The following EIF2B4 variants were observed in gnomAD, a reference collection of about 807,000 sequenced individuals.
EIF2B4 encodes translation initiation factor eIF2B subunit delta.
A neutral mutation model predicts 66.7 loss-of-function variants in EIF2B4; 34 were observed. The observed-to-expected ratio is 0.51, with a 90% confidence interval of 0.39 to 0.68. EIF2B4 has a LOEUF of 0.68. EIF2B4 is among the 30% of genes least tolerant of loss of function. The probability of loss-of-function intolerance (pLI) is 0.00; values close to 1 mark genes in which losing one functional copy is unlikely to be tolerated. For synonymous variants in EIF2B4, 278 were observed against 253.6 expected (o/e 1.10, Z -0.92); for missense variants, 618 against 657.9 (o/e 0.94, Z 0.66).
intron 11 of EIF2B4, chr2:27,365,627 C>G (rs551134116): frequency 6.6e-6 from 1 of 152,280 alleles, no homozygotes; most frequent in Non-Finnish European, 1.5e-5. Flanking sequence ...CTGCCCTCCT[C>G]GGCCTCCCAA....
chr2:27,365,028 A>G (rs1328882518), intron 11 of EIF2B4, 130 bp from the exon 12 acceptor site: 3 of 930,402 alleles, frequency 3.2e-6, no homozygotes, highest in East Asian at 2.6e-5. Context: ...AAGGGAAAGA[A>G]ACAAAAACAG....
At chr2:27,365,285 C>T (rs370104828) in intron 11 of EIF2B4, among the ~76,000 whole-genome samples, 6 of 150,970 alleles carry the variant, frequency 4.0e-5, no homozygotes, top group African/African-American at 2.4e-5. Flanking sequence ...AGGCTGGTCT[C>T]GAACTCCCAA....
At position 27,368,354 on chromosome 2, in the gene EIF2B4, A is replaced by T; in HGVS notation, c.590+18T>A. The T allele has an allele frequency of 6.2e-7, 1 of 1,602,884 alleles. No individual in the cohort carries two copies. The highest frequency in any genetic ancestry group is 8.5e-7 in the Non-Finnish European group (1 of 1,169,806). ...ACTCCTCAGACTCAAAAGTTATGAC[A>T]ATTTCATAGGATCCTACCTCATAAA... is the stretch of plus-strand genomic sequence containing the variant. On this transcript the variant is annotated intron_variant, in intron 6 of 12. Coordinates refer to ENST00000347454, the MANE Select transcript of EIF2B4 (RefSeq NM_001034116.2).
intron 7 of EIF2B4, 100 bp downstream of exon 7, chr2:27,367,925 T>G: frequency 6.8e-7 from 1 of 1,467,962 alleles, no homozygotes; most frequent in Non-Finnish European, 9.5e-7. Context: ...AGGGTAGGAG[T>G]ATTCCCTCTG....
intron 2 of EIF2B4, 133 bp downstream of exon 2, chr2:27,369,743 G>A: frequency 1.4e-6 from 2 of 1,437,440 alleles, no homozygotes; most frequent in Non-Finnish European, 1.9e-6. Context: ...CCCTAGGGTT[G>A]CAAGACCTCT....
chr2:27,366,324 C>A (rs1041627191), intron 11 of EIF2B4: 11 of 271,486 alleles, frequency 4.1e-5, no homozygotes, highest in African/African-American at 6.7e-5. Context: ...ATCCTCCTGC[C>A]TTAGTGCTGA....
chr2:27,366,215 G>GGGGTGTGTGTGTGTGTGTGTGT (rs1356996835), intron 11 of EIF2B4: 1 of 102,516 alleles, frequency 9.8e-6, no homozygotes, highest in African/African-American at 4.2e-5. Flanking sequence ...GGTGGGGTGG[G>GGGGTGTGTGTGTGTGTGTGTGT]GTGTGTGTGT....
chr2:27,369,189 C>T lies in EIF2B4; in HGVS notation c.235G>A (p.Glu79Lys), dbSNP rs1682130293. ...CQVGPTRELP[E>K]SGIQLGTPRE... ...GGAGTGCCCAACTGAATGCCCGATT[C>T]TGGCAGTTCTCTGGTTGGGCCTACT... Residue 79 changes from glutamate to lysine, a missense_variant, in exon 4 of 13, where the codon GAA becomes AAA. Coordinates refer to ENST00000347454, the MANE Select transcript of EIF2B4 (RefSeq NM_001034116.2). The T allele has an allele frequency of 1.2e-6, 2 of 1,612,720 alleles. No homozygotes were observed. The highest frequency in any genetic ancestry group is 1.7e-6 in the Non-Finnish European group (2 of 1,179,972).
chr2:27,370,307 G>A lies in EIF2B4; in HGVS notation c.8C>T (p.Ala3Val), dbSNP rs1166427846. ...ACCCTCGCGAACAGCCACGGCCACAGCAGCCATCGCCCTCAGTCCTAGGCT... is the reference window on the plus strand; with the variant it reads ...ACCCTCGCGAACAGCCACGGCCACAACAGCCATCGCCCTCAGTCCTAGGCT... MA[A>V]VAVAVREDSG... Residue 3 changes from alanine (A) to valine (V), a missense_variant, in exon 1 of 13, where the codon GCT (alanine) becomes GTT (valine). Ala to Val is a moderately conservative substitution (Grantham distance 64, BLOSUM62 0). Coordinates refer to ENST00000347454, the MANE Select transcript of EIF2B4 (RefSeq NM_001034116.2). The A allele has an allele frequency of 5.2e-6, 8 of 1,544,672 alleles. No homozygotes were observed. Among genetic ancestry groups the A allele is most frequent in the Admixed American group, 2.0e-5 (1 of 51,122 alleles).
At chr2:27,366,543 G>A in intron 11 of EIF2B4, 3 of 617,664 alleles carry the variant, frequency 4.9e-6, no homozygotes, top group Non-Finnish European at 8.7e-6. Flanking sequence ...AGCTGGGCAT[G>A]GTGGCACACA....
Position 27,366,847 on chromosome 2 carries a change from T to C in EIF2B4, c.1103A>G (p.Glu368Gly). 1 of 1,614,164 alleles carries C rather than the reference T, an allele frequency of 6.2e-7. No homozygotes were observed. The highest frequency in any genetic ancestry group is 1.1e-5 in the South Asian group (1 of 91,084). ...TAGAGAACGTAGTGTGTGCCTTCCT[T>C]CCAGCCATGGCCGGCTGTCCACCAC... The part of the protein sequence containing the change: ...VVVVDSRPWL[E>G]GRHTLRSLVH... Residue 368 changes from glutamate to glycine, a missense_variant, in exon 11 of 13, where the codon GAA becomes GGA. Transcript: ENST00000347454.
chr2:27,368,192 C>T, intron 6 of EIF2B4, 53 bp from the exon 7 acceptor site: 1 of 1,430,660 alleles, frequency 7.0e-7, no homozygotes, highest in South Asian at 1.2e-5. Context: ...GCATCTACTG[C>T]CCACCTGCCC....
Position 27,367,152 on chromosome 2 carries a change from A to G in EIF2B4, c.935T>C (p.Ile312Thr), listed in dbSNP as rs776661452. ...AAIDRYVQEK[I>T]VLAAQAISRF... ...TGAAATTGCCTGAGCTGCTAGCACA[A>G]TCTTCTCTTGCACATACCGATCAAT... Residue 312 changes from isoleucine (I) to threonine (T), a missense_variant, in exon 10 of 13, where the codon ATT becomes ACT. By Grantham distance (89) the Ile-to-Thr change is moderately conservative. Coordinates refer to ENST00000347454, the MANE Select transcript of EIF2B4 (RefSeq NM_001034116.2). 3.7e-6 allele frequency: 6 copies of G among 1,614,188 alleles called. No homozygotes were observed. The highest frequency in any genetic ancestry group is 3.3e-5 in the Admixed American group (2 of 60,010).
Position 27,369,500 on chromosome 2 carries a change from T to A in EIF2B4, c.125A>T (p.Glu42Val), listed in dbSNP as rs774312870. 6.2e-6 allele frequency: 10 copies of A among 1,614,038 alleles called. No homozygotes were observed. Among genetic ancestry groups the A allele is most frequent in the Non-Finnish European group, 8.5e-6 (10 of 1,180,034 alleles). ...CCGTTTCTTCTTCTGCTGTTTCTTT[T>A]CCTTCCGAAGCTGCAGCTTTTCTTC... is the stretch of plus-strand genomic sequence containing the variant. ...TKEEKLQLRK[E>V]KKQQKKKRKE... The change falls in exon 3 of 13, where the codon GAA becomes GTA. Residue 42 changes from glutamate to valine, a missense_variant. Transcript: ENST00000347454.
At chr2:27,369,676 T>C (rs1397009100) in intron 2 of EIF2B4, 127 bp from the exon 3 acceptor site, 4 of 1,547,068 alleles carry the variant, frequency 2.6e-6, no homozygotes, top group Non-Finnish European at 3.6e-6. Context: ...AAGCTACCTG[T>C]TGCAAGCTTA....
In EIF2B4 at chr2:27,367,742, C is replaced by G; in HGVS notation, c.782+4G>C. On this transcript the variant is annotated splice_donor_region_variant and intron_variant, in intron 8 of 12. Coordinates refer to ENST00000347454, the MANE Select transcript of EIF2B4 (RefSeq NM_001034116.2). ...TGGGAGTGGACTTATAGTGTTGTCC[C>G]TACCTCATGTAGGGTTTTAGTTTAT... 6.2e-7 allele frequency: 1 copy of G among 1,613,282 alleles called. No individual in the cohort carries two copies. Among genetic ancestry groups the G allele is most frequent in the Non-Finnish European group, 8.5e-7 (1 of 1,179,252 alleles).
chr2:27,364,375 A>G lies in EIF2B4; in HGVS notation c.*25T>C. 1 of 1,612,042 alleles carries G rather than the reference A, an allele frequency of 6.2e-7. No individual in the cohort carries two copies. The highest frequency in any genetic ancestry group is 8.5e-7 in the Non-Finnish European group (1 of 1,178,844). On this transcript the variant is annotated 3_prime_UTR_variant, in exon 13 of 13. Transcript: ENST00000347454. ...AGTTGCTGAGGGTAGGGAGTATGGC[A>G]TTTATTAACCCTGTGTTTCCCCCGT...
chr2:27,368,770 G>C, intron 4 of EIF2B4, 37 bp from the exon 5 acceptor site: 1 of 1,605,086 alleles, frequency 6.2e-7, no homozygotes. Flanking sequence ...GACACTGTAG[G>C]TCTTGAAATG....
At chr2:27,368,977 A>T in intron 4 of EIF2B4, 29 bp downstream of exon 4, 1 of 1,613,436 alleles carries the variant, frequency 6.2e-7, no homozygotes, top group Non-Finnish European at 8.5e-7. Context: ...ATTAGGAGTA[A>T]GGGAGGTCTT....
Sources: gnomAD v4.1 joint callset for allele counts (sites outside exome capture counted in the v4.1 genomes callset) on GRCh38, gnomAD v4.1.1 for gene constraint, MANE v1.5 for transcripts, NCBI Gene and HGNC (gene_info 2026-07-23, HGNC 2026-07-21) for gene names.